Variants in PDZD2 observed in about 807,000 individuals in gnomAD.
PDZD2 encodes the protein PDZ domain containing 2.
Under a neutral mutation model 220.7 loss-of-function variants are expected in PDZD2, and 90 were observed. The ratio of observed to expected loss-of-function variants is 0.41; its 90% confidence interval spans 0.34 to 0.49. The LOEUF (loss-of-function observed/expected upper bound fraction) is 0.49, where lower values mean the gene tolerates loss of function less well. Ranked by LOEUF, PDZD2 falls within the 20% of genes least tolerant of loss-of-function variation. The probability of loss-of-function intolerance (pLI) is 0.28; values close to 1 mark genes in which losing one functional copy is unlikely to be tolerated. For missense variants in PDZD2, 3,174 were observed against 3,608.5 expected, an observed-to-expected ratio of 0.88 and a Z score of 3.08; for synonymous variants, 1,375 against 1,450.5, an observed-to-expected ratio of 0.95 and a Z score of 1.18.
chr5:31,805,751 T>TC (rs1580792731), intron 2 of PDZD2, among the ~76,000 whole-genome samples: 2 of 152,128 alleles, frequency 1.3e-5, no homozygotes, highest in East Asian at 1.9e-4. Flanking sequence ...TATTTAGAAA[T>TC]AGGATCATTG....
intron 1 of PDZD2, among the ~76,000 whole-genome samples, chr5:31,778,531 C>T (rs1456430823): frequency 6.6e-6 from 1 of 152,046 alleles, no homozygotes; most frequent in Non-Finnish European, 1.5e-5. Flanking sequence ...AGATGTGCCG[C>T]CTTAAGAGCT....
At chr5:32,078,434 A>G (rs904868171) in intron 19 of PDZD2, among the ~76,000 whole-genome samples, 1 of 152,106 alleles carries the variant, frequency 6.6e-6, no homozygotes, top group South Asian at 2.1e-4. Flanking sequence ...GTTTAAGACC[A>G]GCCTGGCCAA....
At chr5:32,003,377 AC>A (rs1389187585) in intron 5 of PDZD2, among the ~76,000 whole-genome samples, 1 of 53,046 alleles carries the variant, frequency 1.9e-5, no homozygotes, top group Non-Finnish European at 4.5e-5. Flanking sequence ...CACACACCAC[AC>A]ACACACCCAC....
rs1561447568 is a variant in PDZD2, at chr5:31,772,904, T to C, written c.-360-25985T>C. Among the ~76,000 whole-genome samples, 3 of 152,166 alleles carry C rather than the reference T, an allele frequency of 2.0e-5. No individual in the cohort carries two copies. In the South Asian group the frequency reaches 6.2e-4, roughly 32 times the overall value. ...GACCATTGATTGAAGCTGGACTATATGGTATAGACACACGTGTTGCTCACT... is the reference window on the plus strand; with the variant it reads ...GACCATTGATTGAAGCTGGACTATACGGTATAGACACACGTGTTGCTCACT... On this transcript the variant is annotated intron_variant, in intron 1 of 24. Coordinates refer to ENST00000438447, the MANE Select transcript of PDZD2 (RefSeq NM_178140.4).
intron 2 of PDZD2, among the ~76,000 whole-genome samples, chr5:31,975,573 G>A (rs1421473462): frequency 6.6e-6 from 1 of 152,176 alleles, no homozygotes; most frequent in Non-Finnish European, 1.5e-5. Flanking sequence ...GCTGAGTAGA[G>A]GAGGTGAGAA....
chr5:31,841,153 G>A (rs114365187), intron 2 of PDZD2, among the ~76,000 whole-genome samples: 1,530 of 152,278 alleles, frequency 0.01, 21 homozygotes, highest in African/African-American at 0.033. Flanking sequence ...ATCCAGTGGT[G>A]GGATATTACT....
intron 1 of PDZD2, among the ~76,000 whole-genome samples, chr5:31,782,517 G>T: frequency 6.6e-6 from 1 of 151,836 alleles, no homozygotes; most frequent in East Asian, 1.9e-4. Flanking sequence ...TGTTCTAATT[G>T]ATCAATAGTT....
At chr5:31,697,114 G>T (rs1484731693) in intron 1 of PDZD2, among the ~76,000 whole-genome samples, 1 of 152,190 alleles carries the variant, frequency 6.6e-6, no homozygotes, top group East Asian at 1.9e-4. Context: ...TATAATATGG[G>T]CCTTATGCCT....
chr5:31,708,288 G>A lies in PDZD2; in HGVS notation c.-361+68851G>A, dbSNP rs73749475. Among the ~76,000 whole-genome samples, 972 of 152,302 alleles carry A rather than the reference G, an allele frequency of 6.4e-3. 11 individuals carry two copies. The highest frequency in any genetic ancestry group is 0.022 in the African/African-American group (927 of 41,554). On this transcript the variant is annotated intron_variant, in intron 1 of 24. Transcript: ENST00000438447. ...GACATCACGGGAATAGATGGTGGGG[G>A]GACAGCAGTGGTCACTGCATACCCC...
At chr5:31,664,265 G>C (rs930549111) in intron 1 of PDZD2, among the ~76,000 whole-genome samples, 1 of 152,036 alleles carries the variant, frequency 6.6e-6, no homozygotes, top group Non-Finnish European at 1.5e-5. Flanking sequence ...AGCCTCCTGA[G>C]TAGTCAGGAT....
intron 7 of PDZD2, among the ~76,000 whole-genome samples, chr5:32,038,511 T>G (rs1349652764): frequency 6.6e-6 from 1 of 152,046 alleles, no homozygotes; most frequent in African/African-American, 2.4e-5. Context: ...TACTCCAGCC[T>G]GGCAACAGAG....
intron 2 of PDZD2, among the ~76,000 whole-genome samples, chr5:31,917,807 A>G (rs971224935): frequency 1.3e-5 from 2 of 152,074 alleles, no homozygotes; most frequent in African/African-American, 2.4e-5. Context: ...CAATGGCGCG[A>G]TCTCGGCTCA....
At chr5:31,897,583 A>T (rs1741681962) in intron 2 of PDZD2, among the ~76,000 whole-genome samples, 1 of 152,194 alleles carries the variant, frequency 6.6e-6, no homozygotes, top group Non-Finnish European at 1.5e-5. Context: ...CTTCCTATTG[A>T]TGTGAAAATA....
intron 1 of PDZD2, among the ~76,000 whole-genome samples, chr5:31,792,328 A>G (rs531483927): frequency 2.0e-5 from 3 of 152,304 alleles, no homozygotes; most frequent in Admixed American, 6.5e-5. Flanking sequence ...GCCAAGTCCA[A>G]TGGGTCTGGG....
chr5:32,018,210 C>A (rs954964052), intron 6 of PDZD2, among the ~76,000 whole-genome samples: 1 of 152,202 alleles, frequency 6.6e-6, no homozygotes, highest in Admixed American at 6.5e-5. Context: ...TCTGGAGAGG[C>A]CTCCTTGGCA....
chr5:31,780,286 G>A (rs952553769), intron 1 of PDZD2, among the ~76,000 whole-genome samples: 4 of 143,902 alleles, frequency 2.8e-5, no homozygotes, highest in African/African-American at 7.8e-5. Flanking sequence ...TCCATGGGCT[G>A]TGGGATTCTG....
intron 2 of PDZD2, among the ~76,000 whole-genome samples, chr5:31,964,785 G>A (rs986759216): frequency 6.6e-6 from 1 of 152,110 alleles, no homozygotes; most frequent in Admixed American, 6.5e-5. Flanking sequence ...GCGCGATCTC[G>A]GCTCACTGCA....
chr5:31,781,044 C>T (rs1455019121), intron 1 of PDZD2, among the ~76,000 whole-genome samples: 1 of 152,192 alleles, frequency 6.6e-6, no homozygotes, highest in African/African-American at 2.4e-5. Context: ...GTCACTTACA[C>T]CACCGATCAG....
chr5:32,058,867 T>C (rs1362375826), intron 12 of PDZD2, among the ~76,000 whole-genome samples: 1 of 152,200 alleles, frequency 6.6e-6, no homozygotes, highest in Non-Finnish European at 1.5e-5. Flanking sequence ...GATGGAAGAT[T>C]AAACAACCAA....
Sources: gnomAD v4.1 joint callset for allele counts (sites outside exome capture counted in the v4.1 genomes callset) on GRCh38, gnomAD v4.1.1 for gene constraint, MANE v1.5 for transcripts, NCBI Gene and HGNC (gene_info 2026-07-23, HGNC 2026-07-21) for gene names.